NAV3: variants seen among roughly 807,000 people sequenced by gnomAD.
The protein encoded by NAV3 is neuron navigator 3.
A neutral mutation model predicts 244.7 loss-of-function variants in NAV3; 87 were observed. The observed-to-expected ratio is 0.36, with a 90% CI of 0.30 to 0.42. The LOEUF is 0.42. Among genes scored for constraint, NAV3 ranks in the 20% least tolerant of loss-of-function variants. The pLI is 1.00. For missense variants in NAV3, 2,663 were observed against 2,893.3 expected (o/e 0.92, Z 1.83); for synonymous variants, 1,126 against 1,042.2 (o/e 1.08, Z -1.55).
intron 9 of NAV3, among the ~76,000 whole-genome samples, chr12:78,038,109 AAAT>A (rs1365592200): frequency 3.9e-5 from 6 of 152,244 alleles, no homozygotes; most frequent in Non-Finnish European, 7.3e-5. Flanking sequence ...ATCTTTAACT[AAAT>A]AAGAAGAGGT....
chr12:78,170,670 C>T (rs1249796066), intron 24 of NAV3, among the ~76,000 whole-genome samples: 2 of 151,684 alleles, frequency 1.3e-5, no homozygotes, highest in Non-Finnish European at 3.0e-5. Flanking sequence ...ACTTCTTGTT[C>T]TGTTGTTGCA....
At chr12:78,184,039 G>A (rs1378223188) in intron 30 of NAV3, among the ~76,000 whole-genome samples, 4 of 151,708 alleles carry the variant, frequency 2.6e-5, no homozygotes. Context: ...CTTCTTCAAG[G>A]AAGCCTTCCA....
intron 2 of NAV3, among the ~76,000 whole-genome samples, chr12:77,636,646 G>T (rs560112652): frequency 5.3e-5 from 8 of 152,122 alleles, no homozygotes; most frequent in African/African-American, 1.7e-4. Context: ...CCATTACTGG[G>T]TATATACCCA....
intron 2 of NAV3, among the ~76,000 whole-genome samples, chr12:77,789,391 T>G (rs377472111): frequency 8.5e-5 from 13 of 152,272 alleles, no homozygotes; most frequent in African/African-American, 2.9e-4. Flanking sequence ...ACCTGCTGCC[T>G]GGTTTATCCT....
intron 2 of NAV3, among the ~76,000 whole-genome samples, chr12:77,741,966 GACA>G (rs1868345201): frequency 6.6e-6 from 1 of 151,994 alleles, no homozygotes; most frequent in Non-Finnish European, 1.5e-5. Flanking sequence ...CCTTTAACAT[GACA>G]ACAATCTCTT....
At chr12:77,591,178 T>G in intron 2 of NAV3, among the ~76,000 whole-genome samples, 1 of 152,228 alleles carries the variant, frequency 6.6e-6, no homozygotes, top group South Asian at 2.1e-4. Flanking sequence ...ATTTGTCTTC[T>G]TAATAAATTC....
chr12:77,959,766 T>C (rs1473989870), intron 3 of NAV3, among the ~76,000 whole-genome samples: 1 of 151,658 alleles, frequency 6.6e-6, no homozygotes, highest in Non-Finnish European at 1.5e-5. Context: ...TATTGATTTT[T>C]CTAAATGTTA....
chr12:77,916,177 C>T, intron 1 of NAV3, among the ~76,000 whole-genome samples: 1 of 151,872 alleles, frequency 6.6e-6, no homozygotes, highest in South Asian at 2.1e-4. Flanking sequence ...GAAAGCAAAG[C>T]CCTGAAATTG....
intron 1 of NAV3, among the ~76,000 whole-genome samples, chr12:77,886,682 AT>A (rs1237250640): frequency 6.6e-6 from 1 of 152,146 alleles, no homozygotes; most frequent in Non-Finnish European, 1.5e-5. Context: ...AATTTGATCC[AT>A]GTTTAATGTC....
intron 5 of NAV3, among the ~76,000 whole-genome samples, chr12:77,972,824 C>T (rs2138069130): frequency 6.6e-6 from 1 of 152,088 alleles, no homozygotes; most frequent in Admixed American, 6.6e-5. Context: ...TTTCTGTGAA[C>T]CTTACTTTTT....
At chr12:77,717,486 G>T (rs1876414227) in intron 2 of NAV3, among the ~76,000 whole-genome samples, 1 of 151,858 alleles carries the variant, frequency 6.6e-6, no homozygotes, top group Non-Finnish European at 1.5e-5. Context: ...ATATTCCATT[G>T]TGTGCATATA....
intron 9 of NAV3, among the ~76,000 whole-genome samples, chr12:78,044,583 T>G (rs1030062726): frequency 3.3e-5 from 5 of 152,232 alleles, no homozygotes; most frequent in African/African-American, 1.2e-4. Context: ...TTTTTTCGTT[T>G]GTTTGTGTCC....
At chr12:77,995,884 T>G (rs191633048) in intron 6 of NAV3, among the ~76,000 whole-genome samples, 7 of 152,268 alleles carry the variant, frequency 4.6e-5, no homozygotes, top group Non-Finnish European at 1.0e-4. Context: ...AAAATATTTT[T>G]AAGTACTGTA....
At chr12:77,611,986 C>G (rs1870935598) in intron 2 of NAV3, among the ~76,000 whole-genome samples, 1 of 151,918 alleles carries the variant, frequency 6.6e-6, no homozygotes, top group Admixed American at 6.6e-5. Context: ...AAATATTGTG[C>G]CAGATATCTG....
intron 2 of NAV3, among the ~76,000 whole-genome samples, chr12:77,608,890 C>T (rs903812429): frequency 1.3e-5 from 2 of 152,002 alleles, no homozygotes; most frequent in Non-Finnish European, 2.9e-5. Flanking sequence ...CATCAAGTCA[C>T]CTAACATTTA....
chr12:78,127,302 CACATG>C (rs1955954160), intron 17 of NAV3, 94 bp downstream of exon 17: 9 of 1,247,618 alleles, frequency 7.2e-6, no homozygotes, highest in Non-Finnish European at 1.0e-5. Flanking sequence ...TGCAATGTAG[CACATG>C]ACATTGAGGA....
chr12:77,909,363 C>G (rs909449485), intron 1 of NAV3, among the ~76,000 whole-genome samples: 17 of 151,704 alleles, frequency 1.1e-4, no homozygotes, highest in African/African-American at 3.9e-4. Flanking sequence ...ACTGTTCCAC[C>G]CTGATCAAGG....
At chr12:77,712,297 G>A (rs372024819) in intron 2 of NAV3, among the ~76,000 whole-genome samples, 2 of 152,110 alleles carry the variant, frequency 1.3e-5, no homozygotes, top group East Asian at 3.9e-4. Context: ...CATAGAGGGA[G>A]GATATCATTC....
intron 10 of NAV3, among the ~76,000 whole-genome samples, 183 bp downstream of exon 10, chr12:78,050,284 A>T (rs1166142385): frequency 6.6e-6 from 1 of 152,170 alleles, no homozygotes; most frequent in African/African-American, 2.4e-5. Context: ...ATACCTATTT[A>T]TCTTTTATCT....
Sources: allele counts gnomAD v4.1 joint callset (sites outside exome capture counted in the v4.1 genomes callset), GRCh38; gene constraint gnomAD v4.1.1; transcripts MANE v1.5; gene names NCBI Gene and HGNC (gene_info 2026-07-23, HGNC 2026-07-21).